Variants in CNTNAP2 observed in about 807,000 individuals in gnomAD.
CNTNAP2 encodes contactin associated protein 2, also known as contactin-associated protein-like 2.
Under a neutral mutation model 155.2 loss-of-function variants are expected in CNTNAP2, and 98 were observed. The ratio of observed to expected loss-of-function variants is 0.63; its 90% CI spans 0.54 to 0.75. The LOEUF is 0.75. CNTNAP2 is among the 30% of genes least tolerant of loss of function. The probability of loss-of-function intolerance (pLI) is 0.00; values close to 1 mark genes in which losing one functional copy is unlikely to be tolerated. For synonymous variants in CNTNAP2, 651 were observed against 631.2 expected (o/e 1.03, Z -0.47); for missense variants, 1,727 against 1,688.1 (o/e 1.02, Z -0.40).
intron 1 of CNTNAP2, among the ~76,000 whole-genome samples, chr7:146,282,205 G>T (rs1800263178): frequency 6.6e-6 from 1 of 152,170 alleles, no homozygotes; most frequent in African/African-American, 2.4e-5. Flanking sequence ...CACCTAAATG[G>T]TCTCGCTTAT....
At chr7:147,414,098 A>G (rs1797147028) in intron 10 of CNTNAP2, among the ~76,000 whole-genome samples, 2 of 152,164 alleles carry the variant, frequency 1.3e-5, no homozygotes, top group Admixed American at 1.3e-4. Flanking sequence ...AGCAATGGAA[A>G]CAGAAAATGG....
intron 12 of CNTNAP2, among the ~76,000 whole-genome samples, chr7:147,582,547 A>G (rs1800523337): frequency 6.6e-6 from 1 of 152,166 alleles, no homozygotes; most frequent in Non-Finnish European, 1.5e-5. Flanking sequence ...CTTTCTATCT[A>G]CAAAACATTC....
intron 3 of CNTNAP2, among the ~76,000 whole-genome samples, chr7:146,917,796 A>T (rs1796424224): frequency 6.6e-6 from 1 of 152,164 alleles, no homozygotes; most frequent in Admixed American, 6.6e-5. Flanking sequence ...CCATCCATGT[A>T]AGACATGACT....
chr7:147,090,614 C>A (rs562685693), intron 4 of CNTNAP2, among the ~76,000 whole-genome samples: 3 of 152,136 alleles, frequency 2.0e-5, no homozygotes, highest in Admixed American at 6.5e-5. Flanking sequence ...TTAGCATTAT[C>A]AAGCAACTAA....
At chr7:146,248,675 T>G (rs1437647637) in intron 1 of CNTNAP2, among the ~76,000 whole-genome samples, 1 of 152,160 alleles carries the variant, frequency 6.6e-6, no homozygotes, top group East Asian at 1.9e-4. Flanking sequence ...TACCGGATTT[T>G]AAATTGGTGA....
intron 13 of CNTNAP2, among the ~76,000 whole-genome samples, chr7:147,653,863 T>C (rs1052742247): frequency 3.3e-5 from 5 of 152,236 alleles, no homozygotes; most frequent in African/African-American, 1.2e-4. Context: ...TATTTAAGCC[T>C]ACCTAGAAAC....
At chr7:147,535,710 G>A (rs188201634) in intron 11 of CNTNAP2, among the ~76,000 whole-genome samples, 4 of 152,270 alleles carry the variant, frequency 2.6e-5, no homozygotes, top group Admixed American at 2.6e-4. Context: ...TCCCCACTCA[G>A]GCCAAGCTTC....
intron 3 of CNTNAP2, among the ~76,000 whole-genome samples, chr7:146,933,257 A>G (rs1262521789): frequency 6.6e-6 from 1 of 152,090 alleles, no homozygotes. Flanking sequence ...TCAATGGAAC[A>G]GAACAGAGCC....
intron 10 of CNTNAP2, among the ~76,000 whole-genome samples, chr7:147,414,961 A>G (rs1039622246): frequency 1.0e-4 from 15 of 149,968 alleles, no homozygotes; most frequent in African/African-American, 3.4e-4. Flanking sequence ...AAAAAAAAAA[A>G]AAGAAAAGAA....
intron 8 of CNTNAP2, 91 bp downstream of exon 8, chr7:147,132,600 C>T (rs1801400558): frequency 3.4e-5 from 51 of 1,515,026 alleles, no homozygotes; most frequent in Non-Finnish European, 4.1e-5. Context: ...TGGTGTTACA[C>T]GCTCAGGATT....
intron 1 of CNTNAP2, among the ~76,000 whole-genome samples, chr7:146,191,330 A>C (rs2116852359): frequency 6.6e-6 from 1 of 152,294 alleles, no homozygotes; most frequent in South Asian, 2.1e-4. Context: ...GGAGTGTACG[A>C]ATAGGGTGTG....
At chr7:146,556,560 A>G (rs1346625943) in intron 1 of CNTNAP2, among the ~76,000 whole-genome samples, 1 of 152,116 alleles carries the variant, frequency 6.6e-6, no homozygotes. Flanking sequence ...TCTGATCATA[A>G]CACCTCCAGG....
At chr7:146,404,237 G>T (rs1468101565) in intron 1 of CNTNAP2, among the ~76,000 whole-genome samples, 1 of 151,736 alleles carries the variant, frequency 6.6e-6, no homozygotes, top group Admixed American at 6.6e-5. Context: ...ACTCTTTTCT[G>T]CATCAGTGTT....
intron 12 of CNTNAP2, among the ~76,000 whole-genome samples, chr7:147,612,865 A>T (rs372655197): frequency 6.6e-6 from 1 of 152,200 alleles, no homozygotes; most frequent in African/African-American, 2.4e-5. Context: ...CATGTTTCAT[A>T]AATATACTTC....
chr7:147,324,205 A>C (rs1795409552), intron 9 of CNTNAP2, among the ~76,000 whole-genome samples: 1 of 152,166 alleles, frequency 6.6e-6, no homozygotes, highest in Non-Finnish European at 1.5e-5. Context: ...GGAGAGCAGG[A>C]GCTACTCTTG....
intron 10 of CNTNAP2, among the ~76,000 whole-genome samples, chr7:147,472,222 T>TTTTTTTTTC (rs1299246546): frequency 7.0e-6 from 1 of 142,148 alleles, no homozygotes; most frequent in African/African-American, 2.6e-5. Context: ...TTTTTTTTTT[T>TTTTTTTTTC]TTTTTTTTGA....
chr7:146,485,218 CAGAG>C (rs1213395021), intron 1 of CNTNAP2, among the ~76,000 whole-genome samples: 1 of 151,644 alleles, frequency 6.6e-6, no homozygotes, highest in Non-Finnish European at 1.5e-5. Context: ...AAAAATAAAA[CAGAG>C]AGTGGAAAAA....
chr7:146,949,494 C>G (rs951644401), intron 3 of CNTNAP2, among the ~76,000 whole-genome samples: 1 of 152,214 alleles, frequency 6.6e-6, no homozygotes, highest in Non-Finnish European at 1.5e-5. Flanking sequence ...TGTCCCTCTT[C>G]TGCAGGTCTT....
chr7:147,578,523 T>C (rs1057415705), intron 12 of CNTNAP2, among the ~76,000 whole-genome samples: 3 of 152,142 alleles, frequency 2.0e-5, no homozygotes, highest in African/African-American at 7.2e-5. Flanking sequence ...AAGAATATAG[T>C]GTTCAAAAGC....
Sources: gnomAD v4.1 joint callset for allele counts (sites outside exome capture counted in the v4.1 genomes callset) on GRCh38, gnomAD v4.1.1 for gene constraint, MANE v1.5 for transcripts, NCBI Gene and HGNC (gene_info 2026-07-23, HGNC 2026-07-21) for gene names.